FILIP1L: variants seen among roughly 807,000 people sequenced by gnomAD.
FILIP1L encodes filamin A interacting protein 1 like.
Under a neutral mutation model 96.6 loss-of-function variants are expected in FILIP1L, and 55 were observed. The observed-to-expected ratio is 0.57, with a 90% CI of 0.46 to 0.71. FILIP1L has a LOEUF of 0.71. Ranked by LOEUF, FILIP1L falls within the 30% of genes least tolerant of loss-of-function variation. The pLI, the probability that FILIP1L is intolerant of heterozygous loss-of-function variation, is 0.00. For missense variants in FILIP1L, 1,304 were observed against 1,321.2 expected (o/e 0.99, Z 0.20); for synonymous variants, 467 against 473.9 (o/e 0.99, Z 0.19).
chr3:99,886,381 A>C (rs913770683), intron 4 of FILIP1L, among the ~76,000 whole-genome samples: 1 of 152,228 alleles, frequency 6.6e-6, no homozygotes. Context: ...TACCATACAT[A>C]AAATACACTT....
At chr3:99,843,085 A>G (rs1391695410) in intron 5 of FILIP1L, among the ~76,000 whole-genome samples, 1 of 152,262 alleles carries the variant, frequency 6.6e-6, no homozygotes, top group Non-Finnish European at 1.5e-5. Context: ...TGAGAACCTT[A>G]GTAAACTACT....
intron 4 of FILIP1L, among the ~76,000 whole-genome samples, chr3:99,864,588 A>G (rs1037407508): frequency 2.6e-5 from 4 of 152,140 alleles, no homozygotes; most frequent in African/African-American, 7.2e-5. Context: ...TTGACCTCAG[A>G]AGAGTTTCCT....
chr3:99,990,538 G>A (rs999052979), intron 1 of FILIP1L, among the ~76,000 whole-genome samples: 4 of 152,178 alleles, frequency 2.6e-5, no homozygotes, highest in African/African-American at 9.7e-5. Context: ...ATGTGTTCCA[G>A]TGGTGGTTTT....
At chr3:99,924,604 C>T (rs1036841848) in intron 3 of FILIP1L, among the ~76,000 whole-genome samples, 196 bp from the exon 4 acceptor site, 16 of 152,260 alleles carry the variant, frequency 1.1e-4, no homozygotes, top group South Asian at 2.1e-4. Flanking sequence ...CTGCAACTTC[C>T]GCCTCCCGGG....
chr3:99,876,966 C>T (rs1364368389), intron 4 of FILIP1L, among the ~76,000 whole-genome samples: 1 of 152,046 alleles, frequency 6.6e-6, no homozygotes, highest in Non-Finnish European at 1.5e-5. Context: ...TTCTCTTCTA[C>T]CGGCAAACAA....
At chr3:100,018,185 G>A (rs1710400223) in intron 1 of FILIP1L, among the ~76,000 whole-genome samples, 2 of 151,996 alleles carry the variant, frequency 1.3e-5, no homozygotes, top group Admixed American at 1.3e-4. Flanking sequence ...AATTAGCCGG[G>A]CGTGGTGGCA....
At position 99,930,829 on chromosome 3, in the gene FILIP1L, T is replaced by G; in HGVS notation, c.192A>C (p.Ala64=). ...ACAGGTCATCTCTTGAGAGGTCTTC[T>G]GCTTGGTGGCCATTACCACTGTGTG... ...EKPHSGNGHQ[A]EDLSRDDLLF... The change falls in exon 2 of 6, where the codon GCA becomes GCC. Residue 64 remains alanine, a synonymous_variant. Transcript: ENST00000477258. The G allele has an allele frequency of 6.2e-7, 1 of 1,612,710 alleles. No individual in the cohort carries two copies. Among genetic ancestry groups the G allele is most frequent in the East Asian group, 2.2e-5 (1 of 44,750 alleles).
chr3:99,833,150 A>T, intron 5 of FILIP1L: 1 of 1,267,550 alleles, frequency 7.9e-7, no homozygotes. Flanking sequence ...TTCATAGAAG[A>T]AAACGATTTT....
At chr3:99,998,761 G>A (rs1406802381) in intron 1 of FILIP1L, among the ~76,000 whole-genome samples, 5 of 152,230 alleles carry the variant, frequency 3.3e-5, no homozygotes, top group South Asian at 2.1e-4. Flanking sequence ...AGTAGAGACC[G>A]GGTTTCACCG....
At chr3:99,831,467 T>C (rs1190312664) in intron 5 of FILIP1L, among the ~76,000 whole-genome samples, 1 of 152,198 alleles carries the variant, frequency 6.6e-6, no homozygotes, top group African/African-American at 2.4e-5. Context: ...CACTAAATTG[T>C]TTTAAAAGAC....
intron 5 of FILIP1L, among the ~76,000 whole-genome samples, chr3:99,838,949 C>T (rs902431657): frequency 1.3e-5 from 2 of 152,106 alleles, no homozygotes; most frequent in Admixed American, 1.3e-4. Flanking sequence ...AGGTCTTTGC[C>T]CTTTAAGCCT....
intron 4 of FILIP1L, among the ~76,000 whole-genome samples, chr3:99,856,582 GTTAGAGT>G (rs1294259570): frequency 6.6e-6 from 1 of 152,216 alleles, no homozygotes; most frequent in Non-Finnish European, 1.5e-5. Context: ...ACAGCTTTCC[GTTAGAGT>G]TTCTACTATG....
intron 1 of FILIP1L, among the ~76,000 whole-genome samples, chr3:99,956,278 C>T (rs1352176658): frequency 6.6e-6 from 1 of 152,212 alleles, no homozygotes; most frequent in Non-Finnish European, 1.5e-5. Flanking sequence ...CACCTCTTCA[C>T]ATCTTTACAC....
At chr3:99,936,352 GA>G (rs1353833453) in intron 1 of FILIP1L, among the ~76,000 whole-genome samples, 3 of 144,072 alleles carry the variant, frequency 2.1e-5, no homozygotes, top group Non-Finnish European at 3.0e-5. Context: ...GCAGAGGAAG[GA>G]ACTGAAGCTT....
chr3:99,844,306 G>A (rs1943265955), intron 5 of FILIP1L, among the ~76,000 whole-genome samples: 1 of 152,146 alleles, frequency 6.6e-6, no homozygotes, highest in Admixed American at 6.5e-5. Context: ...AATATCAGGG[G>A]ATTCTCACAC....
At chr3:99,925,970 T>G in intron 3 of FILIP1L, 2 of 710,944 alleles carry the variant, frequency 2.8e-6, no homozygotes, top group Non-Finnish European at 3.5e-6. Context: ...AGTGATAAAT[T>G]AATATCTATT....
chr3:100,003,033 C>T (rs1274484709), intron 1 of FILIP1L, among the ~76,000 whole-genome samples: 2 of 152,110 alleles, frequency 1.3e-5, no homozygotes, highest in African/African-American at 4.8e-5. Flanking sequence ...CATTTACCTG[C>T]GAATTATCTC....
chr3:100,004,092 G>A lies in FILIP1L; in HGVS notation c.-10-73062C>T, dbSNP rs117766052. Among the ~76,000 whole-genome samples the A allele has an allele frequency of 1.1e-4, 16 of 152,092 alleles. No homozygotes were observed. In the East Asian group the frequency reaches 1.9e-3, roughly 18 times the overall value. ...CTGGAGGCAAAATCCACCTTGATTC[G>A]GCCTACTGAGAGACAGTATTGGCTT... On this transcript the variant is annotated intron_variant, in intron 1 of 5. Transcript: ENST00000477258.
chr3:100,086,476 A>G (rs967218108), intron 1 of FILIP1L, among the ~76,000 whole-genome samples: 1 of 152,212 alleles, frequency 6.6e-6, no homozygotes, highest in African/African-American at 2.4e-5. Flanking sequence ...AACAGTACCT[A>G]ACTCCTAGTT....
Sources: gnomAD v4.1 joint callset for allele counts (sites outside exome capture counted in the v4.1 genomes callset) on GRCh38, gnomAD v4.1.1 for gene constraint, MANE v1.5 for transcripts, NCBI Gene and HGNC (gene_info 2026-07-23, HGNC 2026-07-21) for gene names.